Variants in SERF2 observed in about 807,000 individuals in gnomAD.
The protein encoded by SERF2 is gastric cancer-related protein VRG107.
In SERF2, 4 loss-of-function variants were observed where a neutral mutation model predicts 10.7. The ratio of observed to expected loss-of-function variants is 0.37; its 90% CI spans 0.18 to 0.86. The LOEUF (loss-of-function observed/expected upper bound fraction) is 0.86. Ranked by LOEUF, SERF2 falls within the 40% of genes least tolerant of loss-of-function variation. The pLI is 0.43. For synonymous variants in SERF2, 26 were observed against 26.0 expected, an observed-to-expected ratio of 1.00 and a Z score of 0.01; for missense variants, 47 against 79.1, an observed-to-expected ratio of 0.59 and a Z score of 1.54.
chr15:43,792,545 T>C (rs1226350576), intron 1 of SERF2, 162 bp downstream of exon 1: 5 of 1,501,060 alleles, frequency 3.3e-6, no homozygotes, highest in Non-Finnish European at 4.5e-6. Context: ...TCGAGCCCTT[T>C]GCCCACGGCT....
Position 43,796,073 on chromosome 15 carries a change from C to A in SERF2, c.*2300C>A. 9.9e-7 allele frequency: 1 copy of A among 1,011,524 alleles called. No individual in the cohort carries two copies. The highest frequency in any genetic ancestry group is 1.3e-5 in the South Asian group (1 of 76,390). The allele number at this position is 1,011,524 out of a possible 1,614,324, so 62.7% of individuals were successfully genotyped here. On this transcript the variant is annotated 3_prime_UTR_variant, in exon 3 of 3. Transcript: ENST00000249786. ...TAACAGCAGCTATAATCTGAGCATT[C>A]TGGGTAGAGGTTGGTAGGATGTGTG...
At chr15:43,792,078 C>A, upstream of SERF2, 1 of 508,990 alleles carries the variant, frequency 2.0e-6, no homozygotes, top group Admixed American at 3.2e-5. Context: ...CACCCCTCCA[C>A]CCCCAACCTG....
chr15:43,793,151 A>G, intron 2 of SERF2, 68 bp downstream of exon 2: 2 of 988,754 alleles, frequency 2.0e-6, no homozygotes, highest in East Asian at 2.5e-5. Flanking sequence ...ATAGAAGGAA[A>G]GAGAGCTACC....
chr15:43,794,369 C>G lies in SERF2; in HGVS notation c.*596C>G, dbSNP rs2087151768. On this transcript the variant is annotated 3_prime_UTR_variant, in exon 3 of 3. Transcript: ENST00000249786. ...TTTATGCCTCTTTTCCTCATTCTTC[C>G]TCAGTTTGTTCGTCTGCTTGAAAGT... 5.7e-6 allele frequency: 1 copy of G among 174,478 alleles called. No homozygotes were observed. Among genetic ancestry groups the G allele is most frequent in the Non-Finnish European group, 1.2e-5 (1 of 82,332 alleles). The allele number at this position is 174,478 out of a possible 1,614,324, so 10.8% of individuals were successfully genotyped here.
chr15:43,782,843 CT>C (rs769937266), intron 1 of SERF2, among the ~76,000 whole-genome samples: 41 of 150,128 alleles, frequency 2.7e-4, no homozygotes, highest in Admixed American at 9.3e-4. Context: ...ATTCTCATAA[CT>C]TTTTTTTTTC....
At position 43,795,596 on chromosome 15, in the gene SERF2, C is replaced by T. The variant is rs1203456323; in HGVS notation, c.*1823C>T. 7.4e-6 allele frequency: 12 copies of T among 1,611,744 alleles called. No homozygotes were observed. The highest frequency in any genetic ancestry group is 1.0e-5 in the Non-Finnish European group (12 of 1,178,146). ...GAGCTGCTGAAACACCTCTTCCCCT[C>T]TCCCCCAACTACCTTTGTTAAGGCT... On this transcript the variant is annotated 3_prime_UTR_variant, in exon 3 of 3. Transcript: ENST00000249786.
Position 43,795,879 on chromosome 15 carries a change from G to A in SERF2, c.*2106G>A. The stretch of plus-strand genomic sequence containing the variant: ...CAAATTCTAGCTCCAGCATATAAGT[G>A]GCTGTGCAGACTTTGGTAAGATGTT... On this transcript the variant is annotated 3_prime_UTR_variant, in exon 3 of 3. Transcript: ENST00000249786. 1 of 787,634 alleles carries A rather than the reference G, an allele frequency of 1.3e-6. No homozygotes were observed. The highest frequency in any genetic ancestry group is 1.8e-5 in the South Asian group (1 of 55,300). The allele number at this position is 787,634 out of a possible 1,614,324, so 48.8% of individuals were successfully genotyped here.
At chr15:43,789,377 C>A (rs886745726), upstream of SERF2, among the ~76,000 whole-genome samples, 7 of 152,122 alleles carry the variant, frequency 4.6e-5, no homozygotes, top group African/African-American at 1.7e-4. Flanking sequence ...GCCTTAGGGC[C>A]TTCACACGTG....
intron 2 of SERF2, 160 bp downstream of exon 2, chr15:43,793,243 T>C (rs978424139): frequency 3.3e-6 from 2 of 597,892 alleles, no homozygotes; most frequent in Non-Finnish European, 6.0e-6. Flanking sequence ...ACCCTCCAAA[T>C]TGTTAGCTCA....
chr15:43,793,357 A>G (rs546429305), intron 2 of SERF2: 3 of 581,350 alleles, frequency 5.2e-6, no homozygotes, highest in South Asian at 4.7e-5. Context: ...TCACATTTCA[A>G]ATACAGTTGT....
upstream of SERF2, among the ~76,000 whole-genome samples, chr15:43,788,565 T>C (rs2087026510): frequency 6.6e-6 from 1 of 152,210 alleles, no homozygotes; most frequent in Non-Finnish European, 1.5e-5. Flanking sequence ...CACTGCACCC[T>C]CCATGAGGTA....
At chr15:43,790,938 T>G (rs1330776916), upstream of SERF2, among the ~76,000 whole-genome samples, 6 of 149,568 alleles carry the variant, frequency 4.0e-5, no homozygotes, top group Non-Finnish European at 7.4e-5. Flanking sequence ...TATTTTTTTT[T>G]TTTGTATTTT....
In SERF2 at chr15:43,794,872, G is replaced by C. The variant is rs1383971530; in HGVS notation, c.*1099G>C. Reference sequence around the variant, plus strand: ...GTTTGACCACTTCTTCCAGTTCATAGTATTGACTTCAGCCCAAACGGAGAT... The same window carrying C: ...GTTTGACCACTTCTTCCAGTTCATACTATTGACTTCAGCCCAAACGGAGAT... On this transcript the variant is annotated 3_prime_UTR_variant, in exon 3 of 3. Coordinates refer to ENST00000249786, the MANE Select transcript of SERF2 (RefSeq NM_001018108.4). The C allele has an allele frequency of 1.4e-6, 1 of 720,738 alleles. No homozygotes were observed. Among genetic ancestry groups the C allele is most frequent in the African/African-American group, 1.8e-5 (1 of 56,914 alleles). The allele number at this position is 720,738 out of a possible 1,614,324, so 44.6% of individuals were successfully genotyped here.
chr15:43,780,017 C>T (rs1272871277), intron 1 of SERF2, among the ~76,000 whole-genome samples: 1 of 152,098 alleles, frequency 6.6e-6, no homozygotes, highest in Non-Finnish European at 1.5e-5. Flanking sequence ...GCTGTTAGAT[C>T]TTTAATACAT....
Position 43,795,156 on chromosome 15 carries a change from C to G in SERF2, c.*1383C>G. 1 of 1,614,088 alleles carries G rather than the reference C, an allele frequency of 6.2e-7. No individual in the cohort carries two copies. The highest frequency in any genetic ancestry group is 8.5e-7 in the Non-Finnish European group (1 of 1,180,010). On this transcript the variant is annotated 3_prime_UTR_variant, in exon 3 of 3. Coordinates refer to ENST00000249786, the MANE Select transcript of SERF2 (RefSeq NM_001018108.4). ...AGGCCCAGCATGAGGCAACCTTGAC[C>G]CAGAAGGTGGCCCAGCTACCCTTGA...
In SERF2 at chr15:43,787,246, G is replaced by A. The variant is rs533016417; in HGVS notation, c.-402+1712G>A. 3.3e-5 allele frequency among the ~76,000 whole-genome samples: 5 copies of A among 151,920 alleles called. No individual in the cohort carries two copies. In the South Asian group the frequency reaches 1.0e-3, roughly 32 times the overall value. On this transcript the variant is annotated intron_variant, in intron 2 of 4. Coordinates refer to the SERF2 transcript ENST00000381359. ...GATCTCCTGACCTCATGATCAGCCCGCCTCGGCCTCCCAAAGTGCTGGGAT... is the reference window on the plus strand; with the variant it reads ...GATCTCCTGACCTCATGATCAGCCCACCTCGGCCTCCCAAAGTGCTGGGAT...
chr15:43,780,659 T>A (rs2086957517), intron 1 of SERF2, among the ~76,000 whole-genome samples: 1 of 152,170 alleles, frequency 6.6e-6, no homozygotes, highest in South Asian at 2.1e-4. Flanking sequence ...TACAGTAGTC[T>A]ACCCTTATCT....
chr15:43,795,997 TA>T lies in SERF2; in HGVS notation c.*2228del. On this transcript the variant is annotated 3_prime_UTR_variant, in exon 3 of 3. Coordinates refer to ENST00000249786, the MANE Select transcript of SERF2 (RefSeq NM_001018108.4). ...GAGGGTTAAATTAAATGAGATTATGTAAAAGTATCTAGCACAGTTGCCTAGC... is the reference window on the plus strand; with the variant it reads ...GAGGGTTAAATTAAATGAGATTATGTAAAGTATCTAGCACAGTTGCCTAGC... 1 of 669,644 alleles carries T rather than the reference TA, an allele frequency of 1.5e-6. No homozygotes were observed. The highest frequency in any genetic ancestry group is 2.6e-6 in the Non-Finnish European group (1 of 377,372). 41.5% of individuals were successfully genotyped at this position (669,644 alleles called of 1,614,324 possible).
intron 1 of SERF2, among the ~76,000 whole-genome samples, chr15:43,780,291 C>T (rs1433335741): frequency 6.6e-6 from 1 of 151,086 alleles, no homozygotes; most frequent in East Asian, 2.0e-4. Flanking sequence ...AGGCGCCCGC[C>T]ACCACGCCCG....
Sources: allele counts gnomAD v4.1 joint callset (sites outside exome capture counted in the v4.1 genomes callset), GRCh38; gene constraint gnomAD v4.1.1; transcripts MANE v1.5; gene names NCBI Gene and HGNC (gene_info 2026-07-23, HGNC 2026-07-21).